The following ZNF451 variants were observed in gnomAD, a reference collection of about 807,000 sequenced individuals.
ZNF451 encodes zinc finger protein 451, also known as E3 SUMO-protein ligase ZNF451.
A neutral mutation model predicts 107.1 loss-of-function variants in ZNF451; 80 were observed. The observed-to-expected ratio is 0.75, with a 90% CI of 0.62 to 0.90. The LOEUF is 0.90. ZNF451 is among the 40% of genes least tolerant of loss of function. The probability of loss-of-function intolerance (pLI) is 0.00; values close to 1 mark genes in which losing one functional copy is unlikely to be tolerated. For missense variants in ZNF451, 1,107 were observed against 1,236.2 expected, an observed-to-expected ratio of 0.90 and a Z score of 1.57; for synonymous variants, 362 against 406.5, an observed-to-expected ratio of 0.89 and a Z score of 1.32.
Position 57,128,749 on chromosome 6 carries a change from T to G in ZNF451, c.333T>G (p.His111Gln), listed in dbSNP as rs774726212. 3.7e-6 allele frequency: 6 copies of G among 1,610,360 alleles called. No individual in the cohort carries two copies. The African/African-American group carries it at 8.0e-5, about 22-fold the overall frequency. ...RAFREKIDFQHAHGLQELEFI... is the reference protein window; with the variant it reads ...RAFREKIDFQQAHGLQELEFI... The stretch of plus-strand genomic sequence containing the variant: ...TTCAGGAAAAAATTGATTTTCAGCA[T>G]GCTCATGGGTTACAAGAATTGGAAT... The change falls in exon 5 of 15, where the codon CAT (histidine) becomes CAG (glutamine). Residue 111 changes from histidine to glutamine, a missense_variant. This residue lies in a region of ZNF451 where 339 missense variants were observed against 372.8 expected (regional missense o/e 0.91). Coordinates refer to ENST00000370706, the MANE Select transcript of ZNF451 (RefSeq NM_001031623.3).
At chr6:57,142,428 G>A (rs1327727684) in intron 9 of ZNF451, among the ~76,000 whole-genome samples, 1 of 152,220 alleles carries the variant, frequency 6.6e-6, no homozygotes, top group Non-Finnish European at 1.5e-5. Context: ...ACATTTGAAA[G>A]ATTAAATCTC....
intron 3 of ZNF451, among the ~76,000 whole-genome samples, chr6:57,120,065 G>A (rs1161399352): frequency 6.6e-6 from 1 of 152,086 alleles, no homozygotes; most frequent in Non-Finnish European, 1.5e-5. Context: ...AAAATCTTGT[G>A]TGCCCTGCCA....
intron 3 of ZNF451, 198 bp from the exon 4 acceptor site, chr6:57,124,536 T>C (rs1830826879): frequency 1.4e-6 from 1 of 704,366 alleles, no homozygotes. Context: ...AGCTCATTTG[T>C]CTAACTTCTT....
intron 3 of ZNF451, chr6:57,114,869 AC>A (rs1396461559): frequency 6.6e-6 from 1 of 151,866 alleles, no homozygotes; most frequent in African/African-American, 2.4e-5. Flanking sequence ...AAAAGAAAAA[AC>A]CCTCCAGACA....
chr6:57,108,835 T>C, intron 3 of ZNF451: 1 of 985,446 alleles, frequency 1.0e-6, no homozygotes. Flanking sequence ...AAATTCATTC[T>C]TATTTTGCAG....
At chr6:57,101,825 C>G in intron 3 of ZNF451, 1 of 1,550,492 alleles carries the variant, frequency 6.4e-7, no homozygotes, top group Non-Finnish European at 8.7e-7. Flanking sequence ...ACTAAGAAAA[C>G]CCAGGAGAAG....
chr6:57,101,326 C>CTG, intron 3 of ZNF451: 1 of 1,550,716 alleles, frequency 6.4e-7, no homozygotes. Context: ...GCATCCTCTT[C>CTG]TGAGAATTGC....
At chr6:57,112,824 A>G (rs1830172244) in intron 3 of ZNF451, among the ~76,000 whole-genome samples, 1 of 152,218 alleles carries the variant, frequency 6.6e-6, no homozygotes, top group Admixed American at 6.5e-5. Flanking sequence ...TAGAAAATAT[A>G]AAATGGAAGC....
chr6:57,161,424 G>A (rs1262901157), intron 14 of ZNF451, among the ~76,000 whole-genome samples: 2 of 152,076 alleles, frequency 1.3e-5, no homozygotes, highest in African/African-American at 2.4e-5. Flanking sequence ...TATTGTCTAT[G>A]CTATTGCTTT....
intron 3 of ZNF451, chr6:57,102,290 C>T (rs915602227): frequency 7.7e-7 from 1 of 1,292,090 alleles, no homozygotes; most frequent in Non-Finnish European, 9.8e-7. Flanking sequence ...GACTTATTGG[C>T]CAAGTGAGCA....
chr6:57,109,531 T>C lies in ZNF451; in HGVS notation c.186+10390T>C. ...TTCCTTTTTGAAGTAATTGTGCTGT[T>C]TCTATTCATATTGGATATGGTATTC... On this transcript the variant is annotated intron_variant, in intron 3 of 14. Transcript: ENST00000370706. 4 of 985,342 alleles carry C rather than the reference T, an allele frequency of 4.1e-6. No individual in the cohort carries two copies. In the South Asian group the frequency reaches 1.4e-4, roughly 35 times the overall value. 61.0% of individuals were successfully genotyped at this position (985,342 alleles called of 1,614,324 possible).
intron 3 of ZNF451, chr6:57,102,038 A>T: frequency 6.5e-7 from 1 of 1,543,620 alleles, no homozygotes; most frequent in Middle Eastern, 1.7e-4. Flanking sequence ...CCTCGAAACC[A>T]CCCCTATAGA....
At chr6:57,164,537 C>A (rs973402069) in intron 14 of ZNF451, among the ~76,000 whole-genome samples, 2 of 152,160 alleles carry the variant, frequency 1.3e-5, no homozygotes, top group African/African-American at 2.4e-5. Flanking sequence ...AGATAATTTT[C>A]TTTGCAAAAC....
chr6:57,102,053 G>A, intron 3 of ZNF451: 1 of 1,534,512 alleles, frequency 6.5e-7, no homozygotes, highest in Non-Finnish European at 8.7e-7. Context: ...TATAGATATA[G>A]AAAGAAGGGA....
rs1388055145 is a variant in ZNF451, at chr6:57,107,424, AT to A, written c.186+8284del. Reference sequence around the variant, plus strand: ...TTTTAAAAAAAATATAGCCAGTCCAATATCTCAAACTACTTTGATTTTTGAA... The same window carrying A: ...TTTTAAAAAAAATATAGCCAGTCCAAATCTCAAACTACTTTGATTTTTGAA... On this transcript the variant is annotated intron_variant, in intron 3 of 14. Coordinates refer to ENST00000370706, the MANE Select transcript of ZNF451 (RefSeq NM_001031623.3). 27 of 985,304 alleles carry A rather than the reference AT, an allele frequency of 2.7e-5. No individual in the cohort carries two copies. In the African/African-American group the frequency reaches 3.8e-4, roughly 14 times the overall value. 61.0% of individuals were successfully genotyped at this position (985,304 alleles called of 1,614,324 possible).
At chr6:57,146,913 ATAC>A (rs1029405968) in intron 9 of ZNF451, among the ~76,000 whole-genome samples, 174 bp from the exon 10 acceptor site, 1 of 152,190 alleles carries the variant, frequency 6.6e-6, no homozygotes, top group African/African-American at 2.4e-5. Context: ...AGTGCAGATA[ATAC>A]TCAAGTATTT....
chr6:57,113,564 C>T (rs1269542216), intron 3 of ZNF451, among the ~76,000 whole-genome samples: 1 of 151,016 alleles, frequency 6.6e-6, no homozygotes, highest in African/African-American at 2.4e-5. Context: ...AGTGAAAGAT[C>T]TGCCTGAATT....
rs776274983 is a variant in ZNF451, at chr6:57,099,076, C to T, written c.121C>T (p.Pro41Ser). 4.3e-6 allele frequency: 7 copies of T among 1,613,600 alleles called. No homozygotes were observed. Among genetic ancestry groups the T allele is most frequent in the Non-Finnish European group, 5.9e-6 (7 of 1,179,620 alleles). The change falls in exon 3 of 15, where the codon CCT (proline) becomes TCT (serine). Residue 41 changes from proline to serine, a missense_variant. This residue lies in a region of ZNF451 where 339 missense variants were observed against 372.8 expected (regional missense o/e 0.91). Coordinates refer to ENST00000370706, the MANE Select transcript of ZNF451 (RefSeq NM_001031623.3). ...IQFVSEGPLR[P>S]VLEYIDLVSS... ...TTGTTTATAGGAAGGACCATTACGA[C>T]CTGTTCTTGAATACATTGATCTGGT... is the stretch of plus-strand genomic sequence containing the variant.
intron 7 of ZNF451, among the ~76,000 whole-genome samples, chr6:57,137,546 G>A (rs72867049): frequency 6.6e-6 from 1 of 152,130 alleles, no homozygotes; most frequent in Non-Finnish European, 1.5e-5. Flanking sequence ...TGAGTAGCAA[G>A]TTTCTAGTGG....
Sources: allele counts gnomAD v4.1 joint callset (sites outside exome capture counted in the v4.1 genomes callset), GRCh38; gene constraint gnomAD v4.1.1; regional missense constraint gnomAD v4.1.1; transcripts MANE v1.5; gene names NCBI Gene and HGNC (gene_info 2026-07-23, HGNC 2026-07-21).